KCTD16: variants seen among roughly 807,000 people sequenced by gnomAD.
KCTD16 encodes the protein BTB/POZ domain-containing protein KCTD16.
A neutral mutation model predicts 33.2 loss-of-function variants in KCTD16; 13 were observed. The ratio of observed to expected loss-of-function variants is 0.39; its 90% CI spans 0.25 to 0.62. The LOEUF is 0.62. Ranked by LOEUF, KCTD16 falls within the 20% of genes least tolerant of loss-of-function variation. KCTD16 has a pLI of 0.50. For synonymous variants in KCTD16, 197 were observed against 195.3 expected, an observed-to-expected ratio of 1.01 and a Z score of -0.07; for missense variants, 441 against 525.1, an observed-to-expected ratio of 0.84 and a Z score of 1.57.
At chr5:144,337,709 A>G (rs1010020193) in intron 3 of KCTD16, among the ~76,000 whole-genome samples, 6 of 152,088 alleles carry the variant, frequency 3.9e-5, no homozygotes, top group African/African-American at 1.4e-4. Context: ...TCTTTACTCA[A>G]CTCTCGACAA....
chr5:144,419,517 A>G (rs1375545795), intron 3 of KCTD16, among the ~76,000 whole-genome samples: 2 of 152,104 alleles, frequency 1.3e-5, no homozygotes, highest in Non-Finnish European at 1.5e-5. Context: ...TTTCTCCTCT[A>G]GTTATTAAAC....
At chr5:144,326,456 T>C (rs1326114755) in intron 3 of KCTD16, among the ~76,000 whole-genome samples, 1 of 152,196 alleles carries the variant, frequency 6.6e-6, no homozygotes, top group Non-Finnish European at 1.5e-5. Flanking sequence ...TATGATAAGT[T>C]GAAATATTTT....
intron 3 of KCTD16, among the ~76,000 whole-genome samples, chr5:144,400,807 C>A (rs569555279): frequency 3.3e-5 from 5 of 152,206 alleles, no homozygotes; most frequent in African/African-American, 1.2e-4. Flanking sequence ...TCAGATTGGG[C>A]AATCAGAAAA....
chr5:144,284,851 T>A (rs1444761459), intron 3 of KCTD16, among the ~76,000 whole-genome samples: 4 of 152,238 alleles, frequency 2.6e-5, no homozygotes, highest in Non-Finnish European at 5.9e-5. Flanking sequence ...TATGGAAGCC[T>A]CTTTTTCCTC....
chr5:144,473,873 G>A lies in KCTD16; in HGVS notation c.1046G>A (p.Gly349Asp), dbSNP rs750531391. 3 of 1,614,058 alleles carry A rather than the reference G, an allele frequency of 1.9e-6. No individual in the cohort carries two copies. Residue 349 changes from glycine to aspartate, a missense_variant, in exon 4 of 4, where the codon GGC becomes GAC. Coordinates refer to ENST00000512467, the MANE Select transcript of KCTD16 (RefSeq NM_020768.4). ...IQTLDRPIKK[G>D]PVQLIQQSEM... ...ACTCTGGACCGTCCCATCAAGAAGGGCCCTGTCCAGCTGATCCAACAGTCA... is the reference window on the plus strand; with the variant it reads ...ACTCTGGACCGTCCCATCAAGAAGGACCCTGTCCAGCTGATCCAACAGTCA...
chr5:144,177,909 A>G (rs1334628067), intron 2 of KCTD16, among the ~76,000 whole-genome samples: 1 of 152,136 alleles, frequency 6.6e-6, no homozygotes, highest in Non-Finnish European at 1.5e-5. Flanking sequence ...AAAGAACAAT[A>G]ATCTGATTTT....
chr5:144,264,875 A>G (rs1194559448), intron 3 of KCTD16, among the ~76,000 whole-genome samples: 1 of 152,246 alleles, frequency 6.6e-6, no homozygotes, highest in Non-Finnish European at 1.5e-5. Flanking sequence ...TACATGTAAT[A>G]TTTAGCACTA....
At chr5:144,264,207 C>G (rs1755081570) in intron 3 of KCTD16, among the ~76,000 whole-genome samples, 3 of 152,286 alleles carry the variant, frequency 2.0e-5, no homozygotes, top group African/African-American at 7.2e-5. Flanking sequence ...CTTTTACAAT[C>G]TTTCTCTGTA....
intron 3 of KCTD16, among the ~76,000 whole-genome samples, chr5:144,222,466 G>A (rs762128676): frequency 2.0e-5 from 3 of 151,836 alleles, no homozygotes; most frequent in Admixed American, 6.6e-5. Context: ...TGCACAAAGC[G>A]GCATAATATC....
chr5:144,423,642 G>A (rs1580953332), intron 3 of KCTD16, among the ~76,000 whole-genome samples: 1 of 152,116 alleles, frequency 6.6e-6, no homozygotes, highest in African/African-American at 2.4e-5. Context: ...AGCACAAAAT[G>A]TAAATGAAAC....
At chr5:144,399,871 T>G (rs1422161312) in intron 3 of KCTD16, among the ~76,000 whole-genome samples, 2 of 152,182 alleles carry the variant, frequency 1.3e-5, no homozygotes, top group East Asian at 3.8e-4. Context: ...AGAAGGGAAT[T>G]AAGGAGTTTC....
intron 3 of KCTD16, among the ~76,000 whole-genome samples, chr5:144,402,260 G>A (rs1752718497): frequency 6.6e-6 from 1 of 152,158 alleles, no homozygotes; most frequent in Non-Finnish European, 1.5e-5. Context: ...TAATTTATTA[G>A]CTCACAATAG....
At chr5:144,181,454 T>C (rs933590257) in intron 2 of KCTD16, among the ~76,000 whole-genome samples, 11 of 152,200 alleles carry the variant, frequency 7.2e-5, no homozygotes, top group Non-Finnish European at 1.0e-4. Context: ...CAGCACCTTA[T>C]AGAGATACCT....
At chr5:144,418,536 G>A (rs1157742760) in intron 3 of KCTD16, among the ~76,000 whole-genome samples, 5 of 152,050 alleles carry the variant, frequency 3.3e-5, no homozygotes, top group Admixed American at 6.6e-5. Context: ...AGTCACCACC[G>A]GACCCAGAAG....
chr5:144,367,674 T>G (rs1751868843), intron 3 of KCTD16, among the ~76,000 whole-genome samples: 2 of 151,862 alleles, frequency 1.3e-5, no homozygotes, highest in African/African-American at 2.4e-5. Context: ...TTGTTTTATT[T>G]TTAATTCTTT....
chr5:144,468,806 T>C (rs1754406263), intron 3 of KCTD16, among the ~76,000 whole-genome samples: 1 of 152,198 alleles, frequency 6.6e-6, no homozygotes, highest in Admixed American at 6.5e-5. Flanking sequence ...TCACAACCAT[T>C]AGCAGGCGGA....
At chr5:144,250,891 A>G (rs1219692139) in intron 3 of KCTD16, among the ~76,000 whole-genome samples, 2 of 152,198 alleles carry the variant, frequency 1.3e-5, no homozygotes, top group African/African-American at 4.8e-5. Flanking sequence ...GGATTAACAC[A>G]GTTTTTAGCA....
intron 3 of KCTD16, among the ~76,000 whole-genome samples, chr5:144,301,654 A>G (rs933100341): frequency 7.9e-5 from 12 of 152,226 alleles, no homozygotes; most frequent in African/African-American, 2.9e-4. Context: ...CATAGTGAAC[A>G]GGATATCTTT....
chr5:144,437,348 G>A (rs1337892395), intron 3 of KCTD16, among the ~76,000 whole-genome samples: 2 of 152,124 alleles, frequency 1.3e-5, no homozygotes, highest in East Asian at 1.9e-4. Flanking sequence ...GCAAGACCAC[G>A]GAGCAGCAGT....
Sources: allele counts gnomAD v4.1 joint callset (sites outside exome capture counted in the v4.1 genomes callset), GRCh38; gene constraint gnomAD v4.1.1; transcripts MANE v1.5; gene names NCBI Gene and HGNC (gene_info 2026-07-23, HGNC 2026-07-21).